Variants in IL1RAPL1 observed in about 807,000 individuals in gnomAD.
The protein encoded by IL1RAPL1 is interleukin-1 receptor accessory protein-like 1.
IL1RAPL1 carries 3 observed loss-of-function variants against 48.4 expected under a neutral mutation model. The observed-to-expected ratio is 0.06, with a 90% CI of 0.03 to 0.16. The LOEUF is 0.16. Ranked by LOEUF, IL1RAPL1 falls within the 10% of genes least tolerant of loss-of-function variation. The pLI is 1.00. For synonymous variants in IL1RAPL1, 185 were observed against 187.7 expected (o/e 0.99, Z 0.12); for missense variants, 349 against 530.6 (o/e 0.66, Z 3.36).
intron 2 of IL1RAPL1, among the ~76,000 whole-genome samples, chrX:28,867,237 C>T (rs1184501770): frequency 1.8e-5 from 2 of 111,771 alleles, no homozygotes; most frequent in Non-Finnish European, 1.9e-5. Context: ...AGTGAAATAT[C>T]GATGGTGGGA....
intron 2 of IL1RAPL1, among the ~76,000 whole-genome samples, chrX:29,079,901 G>A (rs1444805671): frequency 1.8e-5 from 2 of 111,097 alleles, no homozygotes; most frequent in Admixed American, 1.9e-4. Flanking sequence ...ATAAATAAAA[G>A]TGACTTTGAT....
chrX:29,632,350 T>C (rs1373091022), intron 5 of IL1RAPL1, among the ~76,000 whole-genome samples: 4 of 109,677 alleles, frequency 3.6e-5, no homozygotes, highest in Non-Finnish European at 7.6e-5. Context: ...GGGGTTTCAC[T>C]GTGTTAGCCA....
chrX:29,010,643 T>C (rs1424315358), intron 2 of IL1RAPL1, among the ~76,000 whole-genome samples: 2 of 112,125 alleles, frequency 1.8e-5, no homozygotes, highest in Non-Finnish European at 3.8e-5. Context: ...AATCTCTAAA[T>C]AAGATCTAAT....
chrX:28,796,918 T>C (rs905807126), intron 2 of IL1RAPL1, among the ~76,000 whole-genome samples: 14 of 112,452 alleles, frequency 1.2e-4, no homozygotes, highest in African/African-American at 4.5e-4. Flanking sequence ...AACTTCTGCC[T>C]GGGCATCCAG....
At chrX:28,989,773 T>C (rs1009923013) in intron 2 of IL1RAPL1, among the ~76,000 whole-genome samples, 2 of 112,191 alleles carry the variant, frequency 1.8e-5, no homozygotes, top group African/African-American at 6.5e-5. Context: ...TTTGGGAAAT[T>C]TCCATCATAG....
intron 1 of IL1RAPL1, among the ~76,000 whole-genome samples, chrX:28,623,820 A>G (rs933418724): frequency 4.5e-5 from 5 of 110,718 alleles, no homozygotes; most frequent in Non-Finnish European, 3.8e-5. Context: ...ATGATTTTAT[A>G]TGTCCTTTAA....
At chrX:29,095,693 G>T (rs1339617940) in intron 2 of IL1RAPL1, among the ~76,000 whole-genome samples, 1 of 110,553 alleles carries the variant, frequency 9.0e-6, no homozygotes, top group African/African-American at 3.3e-5. Flanking sequence ...AGGAATAATG[G>T]TACCTTTTCA....
chrX:28,801,743 C>A (rs1030604167), intron 2 of IL1RAPL1, among the ~76,000 whole-genome samples: 2 of 111,634 alleles, frequency 1.8e-5, no homozygotes, highest in African/African-American at 3.3e-5. Flanking sequence ...CTTATAATAC[C>A]CACAGCAGTG....
At chrX:29,379,435 C>T (rs1184042691) in intron 3 of IL1RAPL1, among the ~76,000 whole-genome samples, 1 of 112,119 alleles carries the variant, frequency 8.9e-6, no homozygotes, top group Non-Finnish European at 1.9e-5. Context: ...GGGCACCTAC[C>T]TAAGGCCATG....
chrX:29,593,575 A>G (rs931945341), intron 5 of IL1RAPL1, among the ~76,000 whole-genome samples: 5 of 111,491 alleles, frequency 4.5e-5, no homozygotes, highest in South Asian at 3.8e-4. Flanking sequence ...ATCTCCTTTC[A>G]TGTTATAATA....
At position 29,276,314 on chromosome X, in the gene IL1RAPL1, A is replaced by G. The variant is rs1026253054; in HGVS notation, c.83-6624A>G. ...CAGGAGACATACATGAGCTAAATAA[A>G]CAATATAATAGTAAGCTTAATTCAG... On this transcript the variant is annotated intron_variant, in intron 2 of 10. Coordinates refer to ENST00000378993, the MANE Select transcript of IL1RAPL1 (RefSeq NM_014271.4). Among the ~76,000 whole-genome samples, 4 of 112,324 alleles carry G rather than the reference A, an allele frequency of 3.6e-5. No homozygotes were observed. In the East Asian group the frequency reaches 1.1e-3, roughly 31 times the overall value.
chrX:28,940,597 T>G (rs944378585), intron 2 of IL1RAPL1, among the ~76,000 whole-genome samples: 1 of 110,837 alleles, frequency 9.0e-6, no homozygotes, highest in Non-Finnish European at 1.9e-5. Context: ...TCTAGACAAA[T>G]AAGATGTGTT....
chrX:29,014,373 A>G (rs1361744687), intron 2 of IL1RAPL1, among the ~76,000 whole-genome samples: 1 of 110,936 alleles, frequency 9.0e-6, no homozygotes, highest in Admixed American at 9.6e-5. Context: ...TTTTATTTCT[A>G]TTTTTCTAAC....
chrX:28,949,613 T>G (rs1924396725), intron 2 of IL1RAPL1, among the ~76,000 whole-genome samples: 1 of 111,320 alleles, frequency 9.0e-6, no homozygotes. Flanking sequence ...GTTTCCTGAC[T>G]TTTTAATGAT....
At chrX:29,319,575 T>C (rs186615256) in intron 3 of IL1RAPL1, among the ~76,000 whole-genome samples, 1 of 106,797 alleles carries the variant, frequency 9.4e-6, no homozygotes, top group East Asian at 2.9e-4. Flanking sequence ...TCTATCTATC[T>C]ATCCATCCAT....
chrX:28,975,047 T>G (rs1449401946), intron 2 of IL1RAPL1, among the ~76,000 whole-genome samples: 1 of 112,162 alleles, frequency 8.9e-6, no homozygotes, highest in Admixed American at 9.4e-5. Context: ...CAAGTCAACT[T>G]GCATTCAAGT....
At chrX:29,600,138 C>T (rs982895288) in intron 5 of IL1RAPL1, among the ~76,000 whole-genome samples, 1 of 112,138 alleles carries the variant, frequency 8.9e-6, no homozygotes, top group Non-Finnish European at 1.9e-5. Flanking sequence ...GGTTCCTTCT[C>T]ATTTGGGTAG....
At chrX:28,612,402 G>A (rs926747313) in intron 1 of IL1RAPL1, among the ~76,000 whole-genome samples, 1 of 111,946 alleles carries the variant, frequency 8.9e-6, no homozygotes, top group African/African-American at 3.2e-5. Context: ...CCCGGGCGGG[G>A]CGTTTTAAAT....
At chrX:29,322,492 C>T (rs186680586) in intron 3 of IL1RAPL1, among the ~76,000 whole-genome samples, 4 of 111,334 alleles carry the variant, frequency 3.6e-5, no homozygotes, top group East Asian at 5.6e-4. Context: ...CTTGAACTCC[C>T]GAGCTCAGGT....
Sources: allele counts gnomAD v4.1 joint callset (sites outside exome capture counted in the v4.1 genomes callset), GRCh38; gene constraint gnomAD v4.1.1; transcripts MANE v1.5; gene names NCBI Gene and HGNC (gene_info 2026-07-23, HGNC 2026-07-21).